MAP1LC3B2: variants seen among roughly 807,000 people sequenced by gnomAD.
The protein encoded by MAP1LC3B2 is microtubule associated protein 1 light chain 3 beta 2, also known as microtubule-associated protein 1 light chain 3 beta 2.
For synonymous variants in MAP1LC3B2, 62 were observed against 57.8 expected, an observed-to-expected ratio of 1.07 and a Z score of -0.33; for missense variants, 155 against 154.6, an observed-to-expected ratio of 1.00 and a Z score of -0.01.
intron 1 of MAP1LC3B2, among the ~76,000 whole-genome samples, chr12:116,570,545 G>A (rs1244600405): frequency 1.3e-5 from 2 of 152,192 alleles, no homozygotes; most frequent in South Asian, 4.1e-4. Flanking sequence ...CATGGGGGCA[G>A]TTTCCCCCAT....
intron 1 of MAP1LC3B2, among the ~76,000 whole-genome samples, chr12:116,572,093 A>C (rs944514408): frequency 1.3e-5 from 2 of 152,188 alleles, no homozygotes; most frequent in East Asian, 3.9e-4. Context: ...AGTCCTCTCT[A>C]TAGACATCAG....
At chr12:116,570,389 A>G (rs1056564192) in intron 1 of MAP1LC3B2, among the ~76,000 whole-genome samples, 1 of 152,188 alleles carries the variant, frequency 6.6e-6, no homozygotes, top group African/African-American at 2.4e-5. Context: ...ATTTTGCCCA[A>G]CTGTAGGTTA....
At chr12:116,566,231 A>G (rs1869382438) in intron 1 of MAP1LC3B2, among the ~76,000 whole-genome samples, 1 of 152,208 alleles carries the variant, frequency 6.6e-6, no homozygotes, top group Admixed American at 6.5e-5. Flanking sequence ...ATGCAGCAAA[A>G]TGCATTTCTT....
intron 1 of MAP1LC3B2, among the ~76,000 whole-genome samples, chr12:116,562,741 G>A (rs182225148): frequency 5.3e-5 from 8 of 152,280 alleles, no homozygotes; most frequent in Admixed American, 3.9e-4. Flanking sequence ...TCAGAGATGA[G>A]CTGGTATCTG....
intron 1 of MAP1LC3B2, among the ~76,000 whole-genome samples, chr12:116,572,477 G>T (rs1311947427): frequency 1.3e-5 from 2 of 151,446 alleles, no homozygotes; most frequent in East Asian, 3.9e-4. Flanking sequence ...CCATTCTCCT[G>T]CCTCAGCCTC....
At chr12:116,574,026 T>C (rs1455300758) in intron 1 of MAP1LC3B2, among the ~76,000 whole-genome samples, 1 of 152,112 alleles carries the variant, frequency 6.6e-6, no homozygotes, top group Non-Finnish European at 1.5e-5. Context: ...ATGTGTAACA[T>C]CCAGAGCTCG....
At chr12:116,565,723 G>C (rs1019968876) in intron 1 of MAP1LC3B2, among the ~76,000 whole-genome samples, 32 of 152,196 alleles carry the variant, frequency 2.1e-4, no homozygotes, top group African/African-American at 7.2e-4. Flanking sequence ...TTGGCCAGAG[G>C]AGGACAAGAC....
At chr12:116,567,905 G>A (rs1869432937) in intron 1 of MAP1LC3B2, among the ~76,000 whole-genome samples, 1 of 152,130 alleles carries the variant, frequency 6.6e-6, no homozygotes, top group African/African-American at 2.4e-5. Context: ...AAAACCTTCT[G>A]GGGAAGTGTC....
At chr12:116,571,306 C>A (rs931541747) in intron 1 of MAP1LC3B2, among the ~76,000 whole-genome samples, 4 of 152,076 alleles carry the variant, frequency 2.6e-5, no homozygotes, top group Admixed American at 1.3e-4. Context: ...AGAAGTCCTG[C>A]AGTAAGGAAA....
At chr12:116,563,573 A>G (rs1004362270) in intron 1 of MAP1LC3B2, among the ~76,000 whole-genome samples, 4 of 152,162 alleles carry the variant, frequency 2.6e-5, no homozygotes, top group Non-Finnish European at 5.9e-5. Context: ...AATTTGATTA[A>G]GATGTGCCTT....
chr12:116,560,199 T>C (rs1272061639), intron 1 of MAP1LC3B2: 33 of 14,814 alleles, frequency 2.2e-3, no homozygotes, highest in Admixed American at 3.5e-3. Flanking sequence ...TATATATATA[T>C]ATATATATAT....
In MAP1LC3B2 at chr12:116,576,041, G is replaced by T. The variant is rs1002229646; in HGVS notation, c.99G>T (p.Val33=). ...IREQHPTKIP[V]IIERYKGEKQ... ...AGCAGCATCCAACCAAAATCCCGGTGATAATAGAACGATACAAGGGTGAGA... is the reference window on the plus strand; with the variant it reads ...AGCAGCATCCAACCAAAATCCCGGTTATAATAGAACGATACAAGGGTGAGA... The change falls in exon 2 of 2, where the codon GTG becomes GTT. Residue 33 remains valine, a synonymous_variant. Transcript: ENST00000556529. The T allele has an allele frequency of 3.7e-6, 6 of 1,614,112 alleles. No homozygotes were observed. In the Admixed American group the frequency reaches 6.7e-5, roughly 18 times the overall value.
intron 1 of MAP1LC3B2, among the ~76,000 whole-genome samples, chr12:116,567,904 T>C (rs4766794): frequency 0.12 from 18,270 of 152,058 alleles, 2,144 homozygotes; most frequent in Admixed American, 0.28. Context: ...GAAAACCTTC[T>C]GGGGAAGTGT....
Position 116,560,236 on chromosome 12 carries a change from ATATATG to A in MAP1LC3B2, c.-102+807_-102+812del, listed in dbSNP as rs1298417197. Among the ~76,000 whole-genome samples, 44 of 99,050 alleles carry A rather than the reference ATATATG, an allele frequency of 4.4e-4. 1 individual carries two copies. Among genetic ancestry groups the A allele is most frequent in the Middle Eastern group, 4.7e-3 (1 of 212 alleles). 65.0% of individuals were successfully genotyped at this position (99,050 alleles called of 152,430 possible). A position where few individuals can be genotyped will look rare whatever the true frequency, so the allele number is the denominator to read the frequency against. On this transcript the variant is annotated intron_variant, in intron 1 of 1. Coordinates refer to ENST00000556529, the MANE Select transcript of MAP1LC3B2 (RefSeq NM_001085481.3). Reference sequence around the variant, plus strand: ...TATATATATATATATATATATATATATATATGTATGTATATGTATATATATATATTT... The same window carrying A: ...TATATATATATATATATATATATATATATGTATATGTATATATATATATTT...
At position 116,576,017 on chromosome 12, in the gene MAP1LC3B2, G is replaced by A. The variant is rs138334925; in HGVS notation, c.75G>A (p.Glu25=). Residue 25 remains glutamate (E), a synonymous_variant, in exon 2 of 2, where the codon GAG becomes GAA. Coordinates refer to ENST00000556529, the MANE Select transcript of MAP1LC3B2 (RefSeq NM_001085481.3). ...TAGAAGATGTCCGACTTATTCGAGA[G>A]CAGCATCCAACCAAAATCCCGGTGA... ...QRVEDVRLIR[E]QHPTKIPVII... is the part of the protein sequence containing the mutation. The A allele has an allele frequency of 5.9e-5, 96 of 1,614,208 alleles. 1 individual carries two copies. The African/African-American group carries it at 1.1e-3, about 18-fold the overall frequency.
At chr12:116,563,387 A>T (rs2136959333) in intron 1 of MAP1LC3B2, among the ~76,000 whole-genome samples, 1 of 152,270 alleles carries the variant, frequency 6.6e-6, no homozygotes, top group South Asian at 2.1e-4. Context: ...CTTTTGGTTG[A>T]CAGTTTTGTT....
At position 116,560,227 on chromosome 12, in the gene MAP1LC3B2, T is replaced by TAC. The variant is rs1566022597; in HGVS notation, c.-102+795_-102+796insCA. ...ATATATATATATATATATATATATATATATATATATATATGTATGTATATG... is the reference window on the plus strand; with the variant it reads ...ATATATATATATATATATATATATATACATATATATATATATGTATGTATATG... On this transcript the variant is annotated intron_variant, in intron 1 of 1. Transcript: ENST00000556529. The TAC allele has an allele frequency of 1.6e-4, 21 of 132,836 alleles. 1 individual carries two copies. The East Asian group carries it at 3.6e-3, about 23-fold the overall frequency. 8.2% of individuals were successfully genotyped at this position (132,836 alleles called of 1,614,324 possible).
intron 1 of MAP1LC3B2, among the ~76,000 whole-genome samples, chr12:116,570,241 G>C (rs926304983): frequency 8.5e-5 from 13 of 152,086 alleles, no homozygotes; most frequent in Admixed American, 4.6e-4. Flanking sequence ...ACTTTATGAT[G>C]GTGCAAAAGT....
chr12:116,559,624 A>G (rs1286369740), intron 1 of MAP1LC3B2, among the ~76,000 whole-genome samples, 191 bp downstream of exon 1: 5 of 152,184 alleles, frequency 3.3e-5, no homozygotes, highest in African/African-American at 1.2e-4. Context: ...GACACAGTCC[A>G]TGTGATCGGC....
Sources: gnomAD v4.1 joint callset for allele counts (sites outside exome capture counted in the v4.1 genomes callset) on GRCh38, gnomAD v4.1.1 for gene constraint, MANE v1.5 for transcripts, NCBI Gene and HGNC (gene_info 2026-07-23, HGNC 2026-07-21) for gene names.